The following FGF14 variants were observed in gnomAD, a reference collection of about 807,000 sequenced individuals.
FGF14 encodes fibroblast growth factor 14, also known as fibroblast growth factor homologous factor 4.
Under a neutral mutation model 25.5 loss-of-function variants are expected in FGF14, and 5 were observed. That is an observed-to-expected ratio of 0.20 (90% CI 0.10 to 0.41). The LOEUF is 0.41. FGF14 is among the 10% of genes least tolerant of loss of function. The pLI, the probability that FGF14 is intolerant of heterozygous loss-of-function variation, is 1.00. For synonymous variants in FGF14, 138 were observed against 118.3 expected (o/e 1.17, Z -1.08); for missense variants, 222 against 320.1 (o/e 0.69, Z 2.34).
rs927689156 is a variant in FGF14 at position 102,381,011 on chromosome 13, T to C, written c.208+20460A>G. Among the ~76,000 whole-genome samples, 5 of 152,194 alleles carry C rather than the reference T, an allele frequency of 3.3e-5. No individual in the cohort carries two copies. In the East Asian group the frequency reaches 7.7e-4, roughly 23 times the overall value. ...ACCTTAGCCCAGTCTACCTTAAACA[T>C]GTTCAGAACACATATTAGCCTACAG... On this transcript the variant is annotated intron_variant, in intron 1 of 4. Coordinates refer to the FGF14 transcript ENST00000376131.
chr13:102,331,113 T>C (rs1463238364), intron 1 of FGF14, among the ~76,000 whole-genome samples: 1 of 152,080 alleles, frequency 6.6e-6, no homozygotes, highest in South Asian at 2.1e-4. Context: ...AAGTATGTCA[T>C]AAAATTATTA....
intron 1 of FGF14, among the ~76,000 whole-genome samples, chr13:101,877,833 C>T (rs570315810): frequency 6.6e-6 from 1 of 152,118 alleles, no homozygotes; most frequent in Non-Finnish European, 1.5e-5. Context: ...ACATCTCTGC[C>T]CCATTAAAAC....
intron 1 of FGF14, among the ~76,000 whole-genome samples, chr13:102,251,580 A>G (rs1033936666): frequency 1.3e-5 from 2 of 152,190 alleles, no homozygotes; most frequent in African/African-American, 4.8e-5. Context: ...AGGGGCGAGG[A>G]GGGCTAGAGT....
At chr13:101,979,000 G>A (rs543332822) in intron 1 of FGF14, among the ~76,000 whole-genome samples, 5 of 152,292 alleles carry the variant, frequency 3.3e-5, no homozygotes, top group South Asian at 2.1e-4. Flanking sequence ...AGCCATGGGC[G>A]AATCAGACAA....
In FGF14 at chr13:101,938,326, T is replaced by C. The variant is rs187261340; in HGVS notation, c.209-63030A>G. On this transcript the variant is annotated intron_variant, in intron 1 of 4. Coordinates refer to the FGF14 transcript ENST00000376131. ...CATAGAGAGGGCTGTCTGTCATGTG[T>C]ATTTACCAAGAATGATTTCTCTTTT... is the stretch of plus-strand genomic sequence containing the variant. Among the ~76,000 whole-genome samples, 190 of 152,374 alleles carry C rather than the reference T, an allele frequency of 1.2e-3. 1 individual carries two copies. Among genetic ancestry groups the C allele is most frequent in the Non-Finnish European group, 7.9e-4 (54 of 68,036 alleles).
In FGF14 at chr13:102,033,801, T is replaced by C. The variant is rs543500949; in HGVS notation, c.209-158505A>G. ...GAATCGTTTGGTTTCAGCAAAACAC[T>C]CTGAAACAATTTCACAATTGCAATT... On this transcript the variant is annotated intron_variant, in intron 1 of 4. Transcript: ENST00000376131. 2.9e-3 allele frequency among the ~76,000 whole-genome samples: 435 copies of C among 152,246 alleles called. 3 individuals are homozygous for C. The highest frequency in any genetic ancestry group is 4.6e-3 in the Non-Finnish European group (312 of 68,012).
At chr13:102,305,189 G>A (rs1339593045) in intron 1 of FGF14, among the ~76,000 whole-genome samples, 1 of 152,056 alleles carries the variant, frequency 6.6e-6, no homozygotes, top group African/African-American at 2.4e-5. Flanking sequence ...TTTTTATTAT[G>A]AGTCTTTATG....
At chr13:102,251,176 T>TCA (rs1337150269) in intron 1 of FGF14, among the ~76,000 whole-genome samples, 2 of 152,220 alleles carry the variant, frequency 1.3e-5, no homozygotes, top group African/African-American at 2.4e-5. Context: ...CTACATCAAA[T>TCA]CACTACTCAT....
At chr13:102,075,817 T>C (rs1313284846) in intron 1 of FGF14, among the ~76,000 whole-genome samples, 1 of 152,160 alleles carries the variant, frequency 6.6e-6, no homozygotes, top group Admixed American at 6.5e-5. Context: ...CACAGTGATA[T>C]TGAAGATCCT....
chr13:102,256,171 A>G (rs905863278), intron 1 of FGF14, among the ~76,000 whole-genome samples: 2 of 152,090 alleles, frequency 1.3e-5, no homozygotes, highest in Non-Finnish European at 2.9e-5. Flanking sequence ...GGGAGAAATG[A>G]AAAGATTGAG....
Position 101,740,023 on chromosome 13 carries a change from T to C in FGF14, c.409-13213A>G, listed in dbSNP as rs542608437. ...TGTGAAACTCCCTGCTCTGTTCTGT[T>C]TCACTCTGACTACCAGGGCATGAAA... On this transcript the variant is annotated intron_variant, in intron 3 of 4. Transcript: ENST00000376143. Among the ~76,000 whole-genome samples, 41 of 152,340 alleles carry C rather than the reference T, an allele frequency of 2.7e-4. 1 individual carries two copies. In the South Asian group the frequency reaches 8.3e-3, roughly 31 times the overall value.
chr13:102,018,186 G>A (rs1256723565), intron 1 of FGF14, among the ~76,000 whole-genome samples: 1 of 152,082 alleles, frequency 6.6e-6, no homozygotes, highest in Non-Finnish European at 1.5e-5. Context: ...GTGACTTTGA[G>A]GGAGAGGCCA....
At chr13:101,906,158 A>G (rs996407568) in intron 1 of FGF14, among the ~76,000 whole-genome samples, 1 of 152,182 alleles carries the variant, frequency 6.6e-6, no homozygotes, top group Non-Finnish European at 1.5e-5. Flanking sequence ...GAGAAGCAAG[A>G]CAGCAAATGC....
intron 1 of FGF14, among the ~76,000 whole-genome samples, chr13:102,295,552 G>A (rs925492571): frequency 1.3e-5 from 2 of 152,068 alleles, no homozygotes; most frequent in African/African-American, 4.8e-5. Flanking sequence ...TCTAAAGGTC[G>A]GCGAAGCAGG....
intron 1 of FGF14, among the ~76,000 whole-genome samples, chr13:102,241,871 T>C (rs2051620100): frequency 6.6e-6 from 1 of 152,140 alleles, no homozygotes; most frequent in Non-Finnish European, 1.5e-5. Flanking sequence ...AATAATTTTC[T>C]ACAAGCCATG....
At chr13:101,723,467 A>C (rs1242008543) in intron 4 of FGF14, among the ~76,000 whole-genome samples, 1 of 152,108 alleles carries the variant, frequency 6.6e-6, no homozygotes, top group African/African-American at 2.4e-5. Context: ...CAAAAGCAAC[A>C]TAGTCATACT....
At chr13:102,179,816 T>C (rs1415369152) in intron 1 of FGF14, among the ~76,000 whole-genome samples, 1 of 152,170 alleles carries the variant, frequency 6.6e-6, no homozygotes, top group African/African-American at 2.4e-5. Context: ...AATTCTTCCA[T>C]CAAGAAAGCC....
intron 1 of FGF14, among the ~76,000 whole-genome samples, chr13:102,180,622 A>G (rs2048635053): frequency 2.0e-5 from 3 of 152,106 alleles, no homozygotes; most frequent in African/African-American, 7.2e-5. Context: ...AAGAGAAGCT[A>G]TTTTGGATTT....
chr13:102,169,660 T>A (rs1235977400), intron 1 of FGF14, among the ~76,000 whole-genome samples: 1 of 151,870 alleles, frequency 6.6e-6, no homozygotes, highest in African/African-American at 2.4e-5. Flanking sequence ...AGAAGTGGGG[T>A]TTTTTTTGTT....
Sources: gnomAD v4.1 joint callset for allele counts (sites outside exome capture counted in the v4.1 genomes callset) on GRCh38, gnomAD v4.1.1 for gene constraint, MANE v1.5 for transcripts, NCBI Gene and HGNC (gene_info 2026-07-23, HGNC 2026-07-21) for gene names.